Variants in TMEM132D observed in about 807,000 individuals in gnomAD.
The protein encoded by TMEM132D is mature OL transmembrane protein.
In TMEM132D, 21 loss-of-function variants were observed where a neutral mutation model predicts 62.3. The ratio of observed to expected loss-of-function variants is 0.34; its 90% CI spans 0.24 to 0.49. TMEM132D has a LOEUF of 0.49. TMEM132D is among the 20% of genes least tolerant of loss of function. TMEM132D has a pLI of 0.99. For missense variants in TMEM132D, 1,346 were observed against 1,402.8 expected, an observed-to-expected ratio of 0.96 and a Z score of 0.65; for synonymous variants, 621 against 575.6, an observed-to-expected ratio of 1.08 and a Z score of -1.13.
At chr12:129,763,843 C>G (rs750325535) in intron 1 of TMEM132D, among the ~76,000 whole-genome samples, 1 of 152,050 alleles carries the variant, frequency 6.6e-6, no homozygotes, top group South Asian at 2.1e-4. Context: ...AAAAGTCAGC[C>G]GCAGGTGGAA....
chr12:129,242,464 A>G (rs1593308757), intron 4 of TMEM132D, among the ~76,000 whole-genome samples: 1 of 152,184 alleles, frequency 6.6e-6, no homozygotes, highest in African/African-American at 2.4e-5. Flanking sequence ...TTTGATTAGT[A>G]TAGTATATAA....
chr12:129,410,679 T>C (rs1871942781), intron 3 of TMEM132D, among the ~76,000 whole-genome samples: 1 of 152,180 alleles, frequency 6.6e-6, no homozygotes, highest in South Asian at 2.1e-4. Context: ...GAACTTCTAA[T>C]GTACTTGTCT....
chr12:129,325,648 T>G (rs1868885935), intron 4 of TMEM132D, among the ~76,000 whole-genome samples: 1 of 152,140 alleles, frequency 6.6e-6, no homozygotes, highest in Non-Finnish European at 1.5e-5. Context: ...TGAAAGGTGT[T>G]TTCACCTTCT....
chr12:129,866,710 G>T (rs1476517030), intron 1 of TMEM132D, among the ~76,000 whole-genome samples: 3 of 152,086 alleles, frequency 2.0e-5, no homozygotes, highest in Non-Finnish European at 4.4e-5. Flanking sequence ...CAAACAGTAC[G>T]TAGGCTCTTC....
chr12:129,505,281 C>T (rs530815915), intron 3 of TMEM132D, among the ~76,000 whole-genome samples: 12 of 150,574 alleles, frequency 8.0e-5, no homozygotes, highest in Admixed American at 5.3e-4. Flanking sequence ...CTCATTCTGT[C>T]GCCCAGGCTG....
intron 3 of TMEM132D, among the ~76,000 whole-genome samples, chr12:129,506,586 C>G (rs1593042297): frequency 6.6e-6 from 1 of 151,958 alleles, no homozygotes; most frequent in East Asian, 1.9e-4. Context: ...TTTGACAAAC[C>G]AAAGAAAAAC....
intron 5 of TMEM132D, among the ~76,000 whole-genome samples, chr12:129,193,167 A>G (rs1878454789): frequency 6.6e-6 from 1 of 152,038 alleles, no homozygotes; most frequent in Non-Finnish European, 1.5e-5. Flanking sequence ...CAAAAAAAAA[A>G]AAAAAAAAAA....
rs539046934 is a variant in TMEM132D, at chr12:129,732,091, C to T, written c.80-31393G>A. Among the ~76,000 whole-genome samples, 173 of 152,256 alleles carry T rather than the reference C, an allele frequency of 1.1e-3. 1 individual carries two copies. The highest frequency in any genetic ancestry group is 3.8e-3 in the African/African-American group (157 of 41,566). On this transcript the variant is annotated intron_variant, in intron 1 of 8. Coordinates refer to ENST00000422113, the MANE Select transcript of TMEM132D (RefSeq NM_133448.3). Reference sequence around the variant, plus strand: ...TTCGTAGACTCCTGTAGAAATGATGCTGACCAACTCCCAAGGCTGTCAAAA... The same window carrying T: ...TTCGTAGACTCCTGTAGAAATGATGTTGACCAACTCCCAAGGCTGTCAAAA...
chr12:129,705,712 G>C (rs1462511213), intron 1 of TMEM132D, among the ~76,000 whole-genome samples: 2 of 152,110 alleles, frequency 1.3e-5, no homozygotes, highest in Non-Finnish European at 2.9e-5. Context: ...TGTTAAATGA[G>C]AACCAGATAA....
chr12:129,896,196 G>A (rs1011729013), intron 1 of TMEM132D, among the ~76,000 whole-genome samples: 2 of 151,772 alleles, frequency 1.3e-5, no homozygotes, highest in Non-Finnish European at 2.9e-5. Context: ...TGTTGCCCAG[G>A]CTGGTCTTGA....
At chr12:129,607,069 TTC>T (rs1485916638) in intron 2 of TMEM132D, among the ~76,000 whole-genome samples, 7 of 143,322 alleles carry the variant, frequency 4.9e-5, no homozygotes, top group Non-Finnish European at 1.1e-4. Flanking sequence ...CTTTCTTTCT[TTC>T]TTTTTTTTTT....
chr12:129,300,562 C>T (rs967773550), intron 4 of TMEM132D, among the ~76,000 whole-genome samples: 7 of 152,124 alleles, frequency 4.6e-5, no homozygotes, highest in South Asian at 2.1e-4. Context: ...CAGTATAAAA[C>T]GGTGTGTTGG....
intron 4 of TMEM132D, among the ~76,000 whole-genome samples, chr12:129,336,151 C>A (rs1006904210): frequency 6.6e-6 from 1 of 152,188 alleles, no homozygotes; most frequent in African/African-American, 2.4e-5. Flanking sequence ...TCATAATTAG[C>A]CAGAGGGTAA....
chr12:129,335,382 C>T (rs1869240594), intron 4 of TMEM132D, among the ~76,000 whole-genome samples: 1 of 151,850 alleles, frequency 6.6e-6, no homozygotes, highest in East Asian at 1.9e-4. Flanking sequence ...AAGTGATCTG[C>T]CCACCTCGGC....
intron 3 of TMEM132D, among the ~76,000 whole-genome samples, chr12:129,389,207 T>C (rs190435387): frequency 6.6e-6 from 1 of 151,502 alleles, no homozygotes; most frequent in Admixed American, 6.6e-5. Context: ...CCAAGACTAA[T>C]ACATGAACAG....
intron 3 of TMEM132D, among the ~76,000 whole-genome samples, chr12:129,406,107 A>C (rs1871775924): frequency 6.6e-6 from 1 of 152,230 alleles, no homozygotes; most frequent in Non-Finnish European, 1.5e-5. Context: ...ACATGTTAAG[A>C]CATAAGTCAG....
chr12:129,171,958 G>A (rs1427229570), intron 5 of TMEM132D, among the ~76,000 whole-genome samples: 2 of 152,162 alleles, frequency 1.3e-5, no homozygotes, highest in African/African-American at 4.8e-5. Context: ...AAGACAGTCA[G>A]CCTGTCCTTT....
At chr12:129,720,069 G>T (rs1158893209) in intron 1 of TMEM132D, among the ~76,000 whole-genome samples, 1 of 152,002 alleles carries the variant, frequency 6.6e-6, no homozygotes. Flanking sequence ...AGCGTGGAAG[G>T]GATTCATGTC....
intron 3 of TMEM132D, among the ~76,000 whole-genome samples, chr12:129,528,237 C>T (rs543095932): frequency 7.0e-4 from 107 of 152,272 alleles, no homozygotes; most frequent in African/African-American, 2.5e-3. Context: ...AAGAAAAACA[C>T]ATCTCATCGC....
Sources: allele counts gnomAD v4.1 joint callset (sites outside exome capture counted in the v4.1 genomes callset), GRCh38; gene constraint gnomAD v4.1.1; transcripts MANE v1.5; gene names NCBI Gene and HGNC (gene_info 2026-07-23, HGNC 2026-07-21).